PSTPIP2: variants seen among roughly 807,000 people sequenced by gnomAD.
PSTPIP2 encodes the protein proline-serine-threonine phosphatase interacting protein 2.
PSTPIP2 carries 33 observed loss-of-function variants against 63.3 expected under a neutral mutation model. The ratio of observed to expected loss-of-function variants is 0.52; its 90% CI spans 0.40 to 0.70. The LOEUF (loss-of-function observed/expected upper bound fraction) is 0.70. Among genes scored for constraint, PSTPIP2 ranks in the 30% least tolerant of loss-of-function variants. The probability of loss-of-function intolerance (pLI) is 0.00; values close to 1 mark genes in which losing one functional copy is unlikely to be tolerated. For missense variants in PSTPIP2, 312 were observed against 400.7 expected, an observed-to-expected ratio of 0.78 and a Z score of 1.89; for synonymous variants, 125 against 132.7, an observed-to-expected ratio of 0.94 and a Z score of 0.40.
intron 1 of PSTPIP2, among the ~76,000 whole-genome samples, chr18:46,044,580 T>C (rs1020233118): frequency 2.6e-5 from 4 of 152,238 alleles, no homozygotes; most frequent in African/African-American, 9.6e-5. Context: ...GGCATTACCA[T>C]TCAGGACATA....
intron 11 of PSTPIP2, 23 bp downstream of exon 11, chr18:45,992,082 TC>T (rs1364588479): frequency 1.3e-6 from 2 of 1,599,116 alleles, no homozygotes; most frequent in Non-Finnish European, 1.7e-6. Context: ...TAAATAACAC[TC>T]CCCACCCCAC....
intron 1 of PSTPIP2, among the ~76,000 whole-genome samples, chr18:46,071,260 G>C (rs1192135419): frequency 1.3e-5 from 2 of 152,192 alleles, no homozygotes; most frequent in Non-Finnish European, 2.9e-5. Context: ...GCCCCAGTAA[G>C]GAGTCAGGGC....
rs986239731 is a variant in PSTPIP2, at chr18:46,011,366, T to C, written c.248-79A>G. 8 of 1,145,116 alleles carry C rather than the reference T, an allele frequency of 7.0e-6. No homozygotes were observed. The Admixed American group carries it at 1.4e-4, about 20-fold the overall frequency. The allele number at this position is 1,145,116 out of a possible 1,614,324, so 70.9% of individuals were successfully genotyped here. On this transcript the variant is annotated intron_variant, in intron 4 of 14. Coordinates refer to ENST00000409746, the MANE Select transcript of PSTPIP2 (RefSeq NM_024430.4). ...TATATAAAATCATACAAAATAAATA[T>C]GTATATACAAAATACTGGAGTAAGT...
At chr18:46,003,907 C>T (rs2051697346) in intron 6 of PSTPIP2, among the ~76,000 whole-genome samples, 2 of 151,912 alleles carry the variant, frequency 1.3e-5, no homozygotes, top group South Asian at 4.1e-4. Flanking sequence ...CAGGTGCACA[C>T]CACCACACCC....
chr18:46,015,896 C>T lies in PSTPIP2; in HGVS notation c.247+7G>A. 2.5e-6 allele frequency: 4 copies of T among 1,610,050 alleles called. No homozygotes were observed. Among genetic ancestry groups the T allele is most frequent in the Non-Finnish European group, 2.5e-6 (3 of 1,177,854 alleles). Reference sequence around the variant, plus strand: ...TGAATACATTTTTTAAAAAAAAAATCACTTACGCTGCTTGAAGACTTCAAG... The same window carrying T: ...TGAATACATTTTTTAAAAAAAAAATTACTTACGCTGCTTGAAGACTTCAAG... On this transcript the variant is annotated splice_region_variant and intron_variant, in intron 4 of 14. Coordinates refer to ENST00000409746, the MANE Select transcript of PSTPIP2 (RefSeq NM_024430.4).
At chr18:46,005,626 G>A (rs1473343984) in intron 5 of PSTPIP2, 95 bp from the exon 6 acceptor site, 2 of 951,746 alleles carry the variant, frequency 2.1e-6, no homozygotes, top group South Asian at 1.8e-5. Flanking sequence ...TGAGGGTTAA[G>A]TGTTCAAAAT....
intron 1 of PSTPIP2, 119 bp downstream of exon 1, chr18:46,072,037 C>A (rs770768445): frequency 7.7e-7 from 1 of 1,298,438 alleles, no homozygotes; most frequent in East Asian, 3.1e-5. Context: ...CCGCCAAGCC[C>A]CCGGGCGCGC....
At chr18:46,034,405 G>A (rs1907893328) in intron 2 of PSTPIP2, among the ~76,000 whole-genome samples, 1 of 152,142 alleles carries the variant, frequency 6.6e-6, no homozygotes, top group South Asian at 2.1e-4. Flanking sequence ...ATTAAGTAAA[G>A]TGGAAAAACC....
intron 1 of PSTPIP2, among the ~76,000 whole-genome samples, chr18:46,063,321 G>A (rs1909056863): frequency 6.6e-6 from 1 of 152,040 alleles, no homozygotes. Context: ...CACATATTGA[G>A]TAAAACTTGG....
chr18:45,993,582 C>T (rs766015987), intron 10 of PSTPIP2, 23 bp downstream of exon 10: 11 of 1,583,966 alleles, frequency 6.9e-6, no homozygotes, highest in East Asian at 2.2e-5. Flanking sequence ...CACGACAATC[C>T]TCAGTGGATG....
At chr18:46,044,533 C>T (rs1254771282) in intron 1 of PSTPIP2, among the ~76,000 whole-genome samples, 1 of 152,116 alleles carries the variant, frequency 6.6e-6, no homozygotes, top group Non-Finnish European at 1.5e-5. Context: ...ACTTAAACAT[C>T]AGACCTAAAA....
rs974019368 is a variant in PSTPIP2, at chr18:46,029,311, C to T, written c.135-4625G>A. On this transcript the variant is annotated intron_variant, in intron 2 of 14. Transcript: ENST00000409746. ...ATTGCTGGGTATTTGCATTTGCTAT[C>T]GATGAAGACCAAAGAACTGATTGGA... is the stretch of plus-strand genomic sequence containing the variant. 4.6e-6 allele frequency: 7 copies of T among 1,527,556 alleles called. No individual in the cohort carries two copies. The South Asian group carries it at 5.6e-5, about 12-fold the overall frequency. 94.6% of individuals were successfully genotyped at this position (1,527,556 alleles called of 1,614,324 possible). A position where few individuals can be genotyped will look rare whatever the true frequency, so the allele number is the denominator to read the frequency against.
intron 1 of PSTPIP2, among the ~76,000 whole-genome samples, chr18:46,056,948 A>G (rs1215147049): frequency 6.6e-6 from 1 of 151,852 alleles, no homozygotes; most frequent in Non-Finnish European, 1.5e-5. Flanking sequence ...CTAAAAATAC[A>G]AAAAAATTAG....
chr18:46,012,897 C>T (rs2051815668), intron 4 of PSTPIP2, among the ~76,000 whole-genome samples: 2 of 152,130 alleles, frequency 1.3e-5, no homozygotes, highest in South Asian at 4.1e-4. Flanking sequence ...CTGGCCCCAT[C>T]CCAGAAATTG....
intron 2 of PSTPIP2, among the ~76,000 whole-genome samples, chr18:46,035,033 C>T (rs553250457): frequency 1.5e-3 from 223 of 152,198 alleles, no homozygotes; most frequent in Non-Finnish European, 2.4e-3. Flanking sequence ...TGGGAGAGTC[C>T]ATGGGCTTGG....
intron 2 of PSTPIP2, among the ~76,000 whole-genome samples, chr18:46,035,111 T>C (rs1310889581): frequency 6.6e-6 from 1 of 152,092 alleles, no homozygotes; most frequent in African/African-American, 2.4e-5. Context: ...TAAAGTCCTA[T>C]GTAGAATGTT....
At chr18:46,012,759 G>C (rs1422591415) in intron 4 of PSTPIP2, among the ~76,000 whole-genome samples, 1 of 152,118 alleles carries the variant, frequency 6.6e-6, no homozygotes, top group Non-Finnish European at 1.5e-5. Flanking sequence ...GCAACAGAGC[G>C]AGACTCCATC....
chr18:46,006,839 T>TA (rs1313857547), intron 5 of PSTPIP2, among the ~76,000 whole-genome samples: 1 of 152,224 alleles, frequency 6.6e-6, no homozygotes, highest in East Asian at 1.9e-4. Flanking sequence ...ATCAAGCACT[T>TA]ACGCGCTAAG....
At chr18:46,029,874 G>C (rs528415185) in intron 2 of PSTPIP2, 4 of 319,160 alleles carry the variant, frequency 1.3e-5, no homozygotes, top group South Asian at 1.2e-4. Context: ...CAGAACTTTG[G>C]GAGGCCGAGG....
Sources: gnomAD v4.1 joint callset for allele counts (sites outside exome capture counted in the v4.1 genomes callset) on GRCh38, gnomAD v4.1.1 for gene constraint, MANE v1.5 for transcripts, NCBI Gene and HGNC (gene_info 2026-07-23, HGNC 2026-07-21) for gene names.